Variants in DMD observed in about 807,000 individuals in gnomAD.
DMD encodes mutant dystrophin.
DMD carries 63 observed loss-of-function variants against 330.1 expected under a neutral mutation model. The observed-to-expected ratio is 0.19, with a 90% CI of 0.16 to 0.24. DMD has a LOEUF of 0.24. Among genes scored for constraint, DMD ranks in the 10% least tolerant of loss-of-function variants. The pLI is 1.00. For missense variants in DMD, 3,344 were observed against 2,684.1 expected (o/e 1.25, Z -5.43); for synonymous variants, 1,223 against 959.8 (o/e 1.27, Z -5.07).
At chrX:32,121,982 T>C (rs1289469237) in intron 44 of DMD, among the ~76,000 whole-genome samples, 1 of 110,422 alleles carries the variant, frequency 9.1e-6, no homozygotes, top group Admixed American at 9.7e-5. Context: ...AATGGTGAAC[T>C]AGGGACAAAG....
intron 1 of DMD, among the ~76,000 whole-genome samples, chrX:33,079,434 A>G (rs1289855342): frequency 8.9e-6 from 1 of 112,024 alleles, no homozygotes; most frequent in Non-Finnish European, 1.9e-5. Flanking sequence ...TCTGTGGCAC[A>G]TAGCCATTTA....
At position 31,178,654 on chromosome X, in the gene DMD, T is replaced by C. The variant is rs1483477724; in HGVS notation, c.10223+15A>G. ...ACATCAAACAAGAGTGTGTTCTGCT[T>C]TTGCTACTACTCACGTTTCCATGTT... On this transcript the variant is annotated intron_variant, in intron 70 of 78. Transcript: ENST00000357033. 1.7e-6 allele frequency: 2 copies of C among 1,201,782 alleles called. No individual in the cohort carries two copies. The highest frequency in any genetic ancestry group is 6.0e-5 in the East Asian group (2 of 33,599).
intron 43 of DMD, among the ~76,000 whole-genome samples, chrX:32,219,996 A>G (rs1161678472): frequency 4.5e-5 from 5 of 111,195 alleles, no homozygotes. Context: ...CTCCCAAGAG[A>G]AGAAAACCGT....
Position 31,657,977 on chromosome X carries a change from A to C in DMD, c.8027+13T>G, listed in dbSNP as rs772027445. 110 of 1,201,195 alleles carry C rather than the reference A, an allele frequency of 9.2e-5. No individual in the cohort carries two copies. Among genetic ancestry groups the C allele is most frequent in the Non-Finnish European group, 1.2e-4 (104 of 887,599 alleles). On this transcript the variant is annotated intron_variant, in intron 54 of 78. Coordinates refer to ENST00000357033, the MANE Select transcript of DMD (RefSeq NM_004006.3). ...ACAGCCAACAGTAGTTTTAGAAATAATGTAATTCATACCTTTTATGAATGC... is the reference window on the plus strand; with the variant it reads ...ACAGCCAACAGTAGTTTTAGAAATACTGTAATTCATACCTTTTATGAATGC...
chrX:31,356,875 T>C (rs1175105438), intron 60 of DMD, among the ~76,000 whole-genome samples: 2 of 109,300 alleles, frequency 1.8e-5, no homozygotes, highest in Non-Finnish European at 3.8e-5. Context: ...TACAGACTTA[T>C]GAAAATTGTG....
intron 2 of DMD, among the ~76,000 whole-genome samples, chrX:32,924,987 A>C (rs763233944): frequency 3.5e-4 from 39 of 110,606 alleles, no homozygotes; most frequent in Non-Finnish European, 6.4e-4. Flanking sequence ...CCTGAATATT[A>C]AGAACAGATA....
At chrX:32,564,691 G>A (rs1418519776) in intron 16 of DMD, among the ~76,000 whole-genome samples, 3 of 111,763 alleles carry the variant, frequency 2.7e-5, no homozygotes, top group Non-Finnish European at 5.6e-5. Flanking sequence ...ACATTGAACT[G>A]TGATTGAAAA....
intron 2 of DMD, among the ~76,000 whole-genome samples, chrX:32,882,844 T>G (rs2149212446): frequency 8.9e-6 from 1 of 112,295 alleles, no homozygotes; most frequent in East Asian, 2.8e-4. Context: ...GGATTAGATT[T>G]TAAATACTGC....
intron 73 of DMD, 33 bp from the exon 74 acceptor site, chrX:31,169,634 C>A: frequency 8.6e-7 from 1 of 1,163,611 alleles, no homozygotes. Flanking sequence ...TTGGTTTTTT[C>A]CCCCCCTTAT....
At chrX:32,782,283 CAT>C (rs1379112969) in intron 7 of DMD, among the ~76,000 whole-genome samples, 14 of 111,303 alleles carry the variant, frequency 1.3e-4, no homozygotes, top group African/African-American at 4.6e-4. Context: ...TATGTGATAA[CAT>C]AAGCACAAAA....
intron 44 of DMD, among the ~76,000 whole-genome samples, chrX:32,085,606 G>A (rs1048675192): frequency 2.0e-4 from 13 of 64,095 alleles, no homozygotes; most frequent in African/African-American, 7.1e-4. Context: ...GTATATATGT[G>A]TATATATATA....
intron 62 of DMD, among the ~76,000 whole-genome samples, chrX:31,291,241 GT>G (rs370709116): frequency 0.032 from 3,254 of 103,284 alleles, 96 homozygotes; most frequent in African/African-American, 0.088. Flanking sequence ...AGCCCACACA[GT>G]TTTTTTTTTT....
chrX:33,039,323 C>G (rs1241388434), intron 1 of DMD, among the ~76,000 whole-genome samples: 2 of 110,847 alleles, frequency 1.8e-5, no homozygotes, highest in African/African-American at 6.6e-5. Context: ...CACTCCTTAT[C>G]TTTTCTTTTT....
intron 7 of DMD, among the ~76,000 whole-genome samples, chrX:32,799,927 C>G (rs1284904064): frequency 9.0e-6 from 1 of 111,181 alleles, no homozygotes; most frequent in African/African-American, 3.3e-5. Flanking sequence ...AAAACTAAAC[C>G]TCAGGCCTCA....
intron 55 of DMD, chrX:31,508,234 A>G: frequency 8.3e-7 from 1 of 1,207,679 alleles, no homozygotes; most frequent in Non-Finnish European, 1.1e-6. Context: ...TTCCTGTGTA[A>G]CATTTTCAGC....
chrX:31,802,067 A>G (rs2092093447), intron 50 of DMD, among the ~76,000 whole-genome samples: 1 of 111,302 alleles, frequency 9.0e-6, no homozygotes, highest in Non-Finnish European at 1.9e-5. Flanking sequence ...ACTAGGAGGG[A>G]GGTCAATGTG....
chrX:32,871,805 C>G (rs771383349), intron 2 of DMD, among the ~76,000 whole-genome samples: 58 of 111,046 alleles, frequency 5.2e-4, no homozygotes, highest in African/African-American at 1.8e-3. Flanking sequence ...TTCAGAAACC[C>G]TATATAGGTT....
intron 1 of DMD, among the ~76,000 whole-genome samples, chrX:33,118,204 G>A (rs1299113217): frequency 2.9e-5 from 3 of 102,612 alleles, no homozygotes; most frequent in Non-Finnish European, 2.0e-5. Flanking sequence ...TCCGCCTCCC[G>A]GGTTCACGCC....
chrX:32,744,808 G>C (rs2069766076), intron 7 of DMD, among the ~76,000 whole-genome samples: 1 of 111,747 alleles, frequency 8.9e-6, no homozygotes, highest in South Asian at 3.7e-4. Context: ...ACTATTACCA[G>C]TCTCCGAAAA....
Sources: gnomAD v4.1 joint callset for allele counts (sites outside exome capture counted in the v4.1 genomes callset) on GRCh38, gnomAD v4.1.1 for gene constraint, MANE v1.5 for transcripts, NCBI Gene and HGNC (gene_info 2026-07-23, HGNC 2026-07-21) for gene names.